The following HECW2 variants were observed in gnomAD, a reference collection of about 807,000 sequenced individuals.
HECW2 encodes E3 ubiquitin-protein ligase HECW2.
In HECW2, 61 loss-of-function variants were observed where a neutral mutation model predicts 175.2. That is an observed-to-expected ratio of 0.35 (90% CI 0.28 to 0.43). The LOEUF (loss-of-function observed/expected upper bound fraction) is 0.43. Ranked by LOEUF, HECW2 falls within the 20% of genes least tolerant of loss-of-function variation. The probability of loss-of-function intolerance (pLI) is 1.00; values close to 1 mark genes in which losing one functional copy is unlikely to be tolerated. For synonymous variants in HECW2, 671 were observed against 731.0 expected (o/e 0.92, Z 1.32); for missense variants, 1,524 against 2,000.5 (o/e 0.76, Z 4.54).
Position 196,228,117 on chromosome 2 carries a change from T to C in HECW2, c.3902A>G (p.Asp1301Gly). ...VQISPMSAFV[D>G]NHHEWFRFSG... Reference sequence around the variant, plus strand: ...AAATACTTACCATTCATGGTGATTGTCTACAAAAGCAGACATAGGACTTAT... The same window carrying C: ...AAATACTTACCATTCATGGTGATTGCCTACAAAAGCAGACATAGGACTTAT... The change falls in exon 22 of 29, where the codon GAC becomes GGC. Residue 1301 changes from aspartate to glycine, a missense_variant. By Grantham distance (94) the Asp-to-Gly change is moderately conservative. Transcript: ENST00000644978. 4 of 1,586,218 alleles carry C rather than the reference T, an allele frequency of 2.5e-6. No individual in the cohort carries two copies. The highest frequency in any genetic ancestry group is 3.4e-6 in the Non-Finnish European group (4 of 1,169,378).
intron 1 of HECW2, among the ~76,000 whole-genome samples, chr2:196,495,480 T>C (rs1401041234): frequency 5.3e-5 from 8 of 152,028 alleles, no homozygotes; most frequent in African/African-American, 1.7e-4. Flanking sequence ...AAAAAAGATA[T>C]AGAGTGATGA....
At chr2:196,419,896 T>C (rs1215669695) in intron 2 of HECW2, among the ~76,000 whole-genome samples, 2 of 152,206 alleles carry the variant, frequency 1.3e-5, no homozygotes, top group Non-Finnish European at 2.9e-5. Flanking sequence ...CACTGTATTA[T>C]TACCCAATGT....
intron 1 of HECW2, among the ~76,000 whole-genome samples, chr2:196,543,260 A>G (rs1411388763): frequency 6.6e-6 from 1 of 151,268 alleles, no homozygotes; most frequent in African/African-American, 2.4e-5. Context: ...TTAGATGCCT[A>G]TAATTTCTCA....
At chr2:196,552,233 C>A (rs761298251) in intron 1 of HECW2, among the ~76,000 whole-genome samples, 1 of 152,162 alleles carries the variant, frequency 6.6e-6, no homozygotes, top group Non-Finnish European at 1.5e-5. Flanking sequence ...AAACTTAAAG[C>A]TTTATGGTTA....
intron 1 of HECW2, among the ~76,000 whole-genome samples, chr2:196,575,793 C>T (rs936658862): frequency 2.6e-5 from 4 of 152,098 alleles, no homozygotes; most frequent in Non-Finnish European, 4.4e-5. Flanking sequence ...TGGTGGGAGG[C>T]TAAGCAGGAG....
intron 2 of HECW2, among the ~76,000 whole-genome samples, chr2:196,417,594 T>C (rs916818806): frequency 1.3e-5 from 2 of 152,226 alleles, no homozygotes; most frequent in Admixed American, 1.3e-4. Flanking sequence ...ATTTTATTAG[T>C]TGCATAGCAC....
chr2:196,579,536 G>T (rs144247095), intron 1 of HECW2, among the ~76,000 whole-genome samples: 1 of 152,058 alleles, frequency 6.6e-6, no homozygotes, highest in African/African-American at 2.4e-5. Flanking sequence ...TGTATAATCA[G>T]AGATAAAAAT....
At chr2:196,362,816 C>G (rs1479858339) in intron 2 of HECW2, among the ~76,000 whole-genome samples, 2 of 152,114 alleles carry the variant, frequency 1.3e-5, no homozygotes, top group African/African-American at 4.8e-5. Flanking sequence ...AAGCTGTTAG[C>G]CCACCTGTGT....
chr2:196,593,049 C>A (rs1691266003), intron 1 of HECW2, among the ~76,000 whole-genome samples: 1 of 151,556 alleles, frequency 6.6e-6, no homozygotes, highest in East Asian at 1.9e-4. Context: ...AGAGCGCGCT[C>A]GGCGCGCCCC....
intron 18 of HECW2, among the ~76,000 whole-genome samples, chr2:196,255,033 C>T (rs1267437659): frequency 6.7e-6 from 1 of 149,622 alleles, no homozygotes; most frequent in Non-Finnish European, 1.5e-5. Flanking sequence ...AGCGCAGTGG[C>T]ACAATGTTGG....
At chr2:196,235,648 CTTTT>C (rs757874073) in intron 21 of HECW2, among the ~76,000 whole-genome samples, 2 of 78,900 alleles carry the variant, frequency 2.5e-5, no homozygotes, top group East Asian at 4.9e-4. Context: ...ATGCATTATT[CTTTT>C]TTTTTTTTTT....
At chr2:196,362,540 A>G (rs1452323980) in intron 2 of HECW2, among the ~76,000 whole-genome samples, 2 of 152,216 alleles carry the variant, frequency 1.3e-5, no homozygotes, top group Non-Finnish European at 2.9e-5. Context: ...GGCTTACAGT[A>G]TTTTAACTAA....
intron 2 of HECW2, among the ~76,000 whole-genome samples, chr2:196,371,377 A>C (rs1182518161): frequency 6.6e-6 from 1 of 152,208 alleles, no homozygotes; most frequent in Non-Finnish European, 1.5e-5. Context: ...ATAAAGAATA[A>C]AAAAGCATAG....
At chr2:196,506,924 T>C (rs888821963) in intron 1 of HECW2, among the ~76,000 whole-genome samples, 1 of 152,086 alleles carries the variant, frequency 6.6e-6, no homozygotes, top group African/African-American at 2.4e-5. Context: ...AAATACAGTA[T>C]TAGAAAAATC....
Position 196,320,410 on chromosome 2 carries a change from C to A in HECW2, c.914G>T (p.Arg305Ile). The stretch of plus-strand genomic sequence containing the variant: ...ACTCACGTGGTCAGCTGGGAGCCTT[C>A]TGCCAAGGTTGTAGCTGAGCATTTG... ...GDQMLSYNLG[R>I]RLPADHVSGY... The change falls in exon 8 of 29, where the codon AGA becomes ATA. Residue 305 changes from arginine (R) to isoleucine (I), a missense_variant. By Grantham distance (97) the Arg-to-Ile change is moderately conservative (BLOSUM62 -3). This residue lies in a region of HECW2 where 95 missense variants were observed against 136.8 expected (regional missense o/e 0.69). Coordinates refer to ENST00000644978, the MANE Select transcript of HECW2 (RefSeq NM_001348768.2). The A allele has an allele frequency of 1.2e-6, 2 of 1,612,914 alleles. No individual in the cohort carries two copies. The highest frequency in any genetic ancestry group is 8.5e-7 in the Non-Finnish European group (1 of 1,179,098).
chr2:196,587,162 T>C (rs1014009643), intron 1 of HECW2, among the ~76,000 whole-genome samples: 6 of 152,234 alleles, frequency 3.9e-5, no homozygotes, highest in Admixed American at 2.6e-4. Context: ...AATACATTAA[T>C]TTTATAAAGG....
chr2:196,420,178 A>G (rs938762371), intron 2 of HECW2, among the ~76,000 whole-genome samples: 19 of 152,340 alleles, frequency 1.2e-4, no homozygotes, highest in African/African-American at 3.6e-4. Flanking sequence ...TCACCACTAA[A>G]TCTGAGTTAC....
intron 2 of HECW2, among the ~76,000 whole-genome samples, chr2:196,372,963 G>A (rs548375510): frequency 3.3e-5 from 5 of 152,226 alleles, no homozygotes; most frequent in South Asian, 2.1e-4. Flanking sequence ...TTGGGATAAC[G>A]AGGCACAGCC....
Position 196,246,637 on chromosome 2 carries a change from C to A in HECW2, c.3530-4433G>T, listed in dbSNP as rs185297339. Reference sequence around the variant, plus strand: ...GATCTCCTGACCTTGTGATCCACCCCCCTCAGCCTCCCAAAGTGGTGGGAT... The same window carrying A: ...GATCTCCTGACCTTGTGATCCACCCACCTCAGCCTCCCAAAGTGGTGGGAT... On this transcript the variant is annotated intron_variant, in intron 19 of 28. Transcript: ENST00000644978. 4.5e-3 allele frequency among the ~76,000 whole-genome samples: 677 copies of A among 152,048 alleles called. 3 individuals carry two copies. Among genetic ancestry groups the A allele is most frequent in the Non-Finnish European group, 6.2e-3 (419 of 67,960 alleles).
Sources: allele counts gnomAD v4.1 joint callset (sites outside exome capture counted in the v4.1 genomes callset), GRCh38; gene constraint gnomAD v4.1.1; regional missense constraint gnomAD v4.1.1; transcripts MANE v1.5; gene names NCBI Gene and HGNC (gene_info 2026-07-23, HGNC 2026-07-21).